The following CCDC6 variants were observed in gnomAD, a reference collection of about 807,000 sequenced individuals.
The protein encoded by CCDC6 is coiled-coil domain-containing protein 6.
CCDC6 carries 20 observed loss-of-function variants against 56.6 expected under a neutral mutation model. That is an observed-to-expected ratio of 0.35 (90% CI 0.25 to 0.51). The LOEUF (loss-of-function observed/expected upper bound fraction) is 0.51. Among genes scored for constraint, CCDC6 ranks in the 20% least tolerant of loss-of-function variants. CCDC6 has a pLI of 0.95. For synonymous variants in CCDC6, 241 were observed against 234.4 expected (o/e 1.03, Z -0.26); for missense variants, 367 against 601.1 (o/e 0.61, Z 4.07).
At chr10:59,800,008 G>A (rs114603731) in intron 7 of CCDC6, among the ~76,000 whole-genome samples, 55 of 152,284 alleles carry the variant, frequency 3.6e-4, no homozygotes, top group African/African-American at 1.3e-3. Context: ...CTCTAAGCTG[G>A]TCGCTCTCTC....
chr10:59,842,163 TC>T (rs1258838389), intron 2 of CCDC6, among the ~76,000 whole-genome samples: 10 of 152,188 alleles, frequency 6.6e-5, no homozygotes, highest in Admixed American at 2.6e-4. Flanking sequence ...TGCCTCAGCA[TC>T]CCGAGTAGCT....
At chr10:59,897,507 G>A (rs552122070) in intron 1 of CCDC6, among the ~76,000 whole-genome samples, 31 of 152,098 alleles carry the variant, frequency 2.0e-4, no homozygotes, top group Non-Finnish European at 2.8e-4. Flanking sequence ...CGCCTGCCTC[G>A]GCCTCCCCAA....
At chr10:59,809,042 C>G (rs1289074201) in intron 5 of CCDC6, among the ~76,000 whole-genome samples, 1 of 152,162 alleles carries the variant, frequency 6.6e-6, no homozygotes, top group East Asian at 1.9e-4. Context: ...AAAATATTTA[C>G]AAAGTACACT....
intron 2 of CCDC6, among the ~76,000 whole-genome samples, chr10:59,839,625 T>G (rs2070918876): frequency 6.6e-6 from 1 of 152,220 alleles, no homozygotes; most frequent in Non-Finnish European, 1.5e-5. Flanking sequence ...ACATTTTTCC[T>G]AAAGTTGTTT....
intron 1 of CCDC6, among the ~76,000 whole-genome samples, chr10:59,883,001 G>A (rs1369133086): frequency 6.6e-6 from 1 of 151,024 alleles, no homozygotes; most frequent in Non-Finnish European, 1.5e-5. Flanking sequence ...GTGTAAGGGT[G>A]TTTACCGTAT....
intron 1 of CCDC6, among the ~76,000 whole-genome samples, chr10:59,858,425 T>C (rs2071097053): frequency 2.6e-5 from 4 of 152,212 alleles, no homozygotes; most frequent in Admixed American, 1.3e-4. Flanking sequence ...CCCTGGCAAA[T>C]GCACTAATTC....
chr10:59,878,597 T>C (rs778310659), intron 1 of CCDC6, among the ~76,000 whole-genome samples: 2 of 152,176 alleles, frequency 1.3e-5, no homozygotes, highest in African/African-American at 4.8e-5. Context: ...ACAAGAAAAT[T>C]AGAAAAGTAT....
At chr10:59,886,432 G>C (rs2071383822) in intron 1 of CCDC6, among the ~76,000 whole-genome samples, 1 of 152,168 alleles carries the variant, frequency 6.6e-6, no homozygotes, top group South Asian at 2.1e-4. Flanking sequence ...CTAATGTGCA[G>C]TTGTGAGTTC....
At chr10:59,830,715 A>G (rs1222123834) in intron 3 of CCDC6, among the ~76,000 whole-genome samples, 2 of 152,206 alleles carry the variant, frequency 1.3e-5, no homozygotes, top group East Asian at 1.9e-4. Flanking sequence ...TTCAGCTACT[A>G]AAGTCTGCAA....
chr10:59,831,824 C>T (rs143757645), intron 3 of CCDC6, among the ~76,000 whole-genome samples: 1 of 152,328 alleles, frequency 6.6e-6, no homozygotes, highest in African/African-American at 2.4e-5. Context: ...CAAGTCTGGA[C>T]TCCCAAGGCC....
intron 3 of CCDC6, 72 bp from the exon 4 acceptor site, chr10:59,814,827 C>T: frequency 3.2e-6 from 3 of 936,776 alleles, no homozygotes; most frequent in South Asian, 1.4e-5. Context: ...TTTGATTGAA[C>T]AATTAGGACC....
chr10:59,893,737 C>T (rs1013991997), intron 1 of CCDC6, among the ~76,000 whole-genome samples: 1 of 92,740 alleles, frequency 1.1e-5, no homozygotes, highest in African/African-American at 3.4e-5. Context: ...GGTTCTCCAC[C>T]GAAGGCTTTA....
intron 1 of CCDC6, among the ~76,000 whole-genome samples, chr10:59,903,027 T>C (rs2071515763): frequency 6.6e-6 from 1 of 152,176 alleles, no homozygotes; most frequent in African/African-American, 2.4e-5. Context: ...TTGGGGAACA[T>C]GGAAGAAACT....
At chr10:59,889,490 G>C (rs1432068565) in intron 1 of CCDC6, among the ~76,000 whole-genome samples, 2 of 152,150 alleles carry the variant, frequency 1.3e-5, no homozygotes, top group African/African-American at 2.4e-5. Context: ...ACCTTCTGCT[G>C]TCCACAAAGT....
At chr10:59,810,487 AAGG>A (rs142638609) in intron 5 of CCDC6, among the ~76,000 whole-genome samples, 15,394 of 152,126 alleles carry the variant, frequency 0.1, 1,225 homozygotes, top group African/African-American at 0.21. Context: ...GAGCAGTATA[AAGG>A]AGGAGGAAAA....
chr10:59,792,832 A>G lies in CCDC6; in HGVS notation c.*85T>C. 1 of 1,336,300 alleles carries G rather than the reference A, an allele frequency of 7.5e-7. No homozygotes were observed. The highest frequency in any genetic ancestry group is 1.1e-6 in the Non-Finnish European group (1 of 927,320). The allele number at this position is 1,336,300 out of a possible 1,614,324, so 82.8% of individuals were successfully genotyped here. A position where few individuals can be genotyped will look rare whatever the true frequency, so the allele number is the denominator to read the frequency against. ...CTCAGTGCAAATAAGTCATATCCAA[A>G]TATGCCAGAGAAGGAAGCCTTTGGC... On this transcript the variant is annotated 3_prime_UTR_variant, in exon 9 of 9. Transcript: ENST00000263102.
At position 59,861,431 on chromosome 10, in the gene CCDC6, C is replaced by CT. The variant is rs2071127497; in HGVS notation, c.304-8730_304-8729insA. ...ATGTCTGGCATTCAATCAAAAATTACCAAAAAAAAAAAAAAAAAAAAATCA... is the reference window on the plus strand; with the variant it reads ...ATGTCTGGCATTCAATCAAAAATTACTCAAAAAAAAAAAAAAAAAAAAATCA... On this transcript the variant is annotated intron_variant, in intron 1 of 8. Coordinates refer to ENST00000263102, the MANE Select transcript of CCDC6 (RefSeq NM_005436.5). 5.4e-5 allele frequency among the ~76,000 whole-genome samples: 3 copies of CT among 55,056 alleles called. No individual in the cohort carries two copies. The South Asian group carries it at 1.5e-3, about 27-fold the overall frequency. 36.1% of individuals were successfully genotyped at this position (55,056 alleles called of 152,430 possible).
At chr10:59,833,416 T>A (rs1197002674) in intron 2 of CCDC6, among the ~76,000 whole-genome samples, 2 of 152,060 alleles carry the variant, frequency 1.3e-5, no homozygotes, top group Non-Finnish European at 2.9e-5. Flanking sequence ...GCCATTGCAC[T>A]CCAGCTTGGA....
In CCDC6 at chr10:59,862,554, C is replaced by T. The variant is rs943243027; in HGVS notation, c.304-9852G>A. 3.1e-3 allele frequency among the ~76,000 whole-genome samples: 317 copies of T among 103,764 alleles called. 10 individuals carry two copies. The highest frequency in any genetic ancestry group is 0.012 in the South Asian group (37 of 3,068). The allele number at this position is 103,764 out of a possible 152,430, so 68.1% of individuals were successfully genotyped here. A position where few individuals can be genotyped will look rare whatever the true frequency, so the allele number is the denominator to read the frequency against. ...ACACACACACACACACACACACACA[C>T]ACATATATATACACATACACACACA... On this transcript the variant is annotated intron_variant, in intron 1 of 8. Transcript: ENST00000263102.
Sources: allele counts gnomAD v4.1 joint callset (sites outside exome capture counted in the v4.1 genomes callset), GRCh38; gene constraint gnomAD v4.1.1; transcripts MANE v1.5; gene names NCBI Gene and HGNC (gene_info 2026-07-23, HGNC 2026-07-21).